Variants in DSC3 observed in about 807,000 individuals in gnomAD.
The protein encoded by DSC3 is desmocollin 3.
DSC3 carries 97 observed loss-of-function variants against 89.5 expected under a neutral mutation model. That is an observed-to-expected ratio of 1.08 (90% CI 0.92 to 1.28). The LOEUF is 1.28. Ranked by LOEUF, DSC3 falls within the 50% of genes most tolerant of loss-of-function variation. DSC3 has a pLI of 0.00. For missense variants in DSC3, 1,199 were observed against 1,085.3 expected, an observed-to-expected ratio of 1.10 and a Z score of -1.47; for synonymous variants, 436 against 384.1, an observed-to-expected ratio of 1.14 and a Z score of -1.58.
At chr18:31,042,519 C>A in intron 1 of DSC3, 73 bp downstream of exon 1, 1 of 1,454,130 alleles carries the variant, frequency 6.9e-7, no homozygotes, top group Non-Finnish European at 9.4e-7. Flanking sequence ...GCTTTGTCCC[C>A]AGCTCCGTGC....
rs549912533 is a variant in DSC3, at chr18:31,027,361, G to T, written c.475-1446C>A. 4.6e-5 allele frequency among the ~76,000 whole-genome samples: 7 copies of T among 151,914 alleles called. No individual in the cohort carries two copies. The East Asian group carries it at 1.4e-3, about 30-fold the overall frequency. ...CATTTTTGCTGCTTCTGTTATTTTT[G>T]CTGGCATCACAGTTTATGTTTCTTT... On this transcript the variant is annotated intron_variant, in intron 4 of 15. Coordinates refer to ENST00000360428, the MANE Select transcript of DSC3 (RefSeq NM_001941.5).
intron 1 of DSC3, among the ~76,000 whole-genome samples, chr18:31,034,774 T>A (rs1395305459): frequency 6.6e-6 from 1 of 152,142 alleles, no homozygotes; most frequent in East Asian, 1.9e-4. Flanking sequence ...ATGTCCACAA[T>A]AGGTAAATAT....
intron 1 of DSC3, among the ~76,000 whole-genome samples, chr18:31,038,502 T>C (rs1986037871): frequency 6.6e-6 from 1 of 152,200 alleles, no homozygotes. Context: ...CATGTTATTT[T>C]ACTTTTTAAC....
Position 30,996,771 on chromosome 18 carries a change from A to C in DSC3, c.2493+20T>G. On this transcript the variant is annotated intron_variant, in intron 15 of 15. Transcript: ENST00000360428. Reference sequence around the variant, plus strand: ...TTCGGAGGTTTAAATTTTAGACTCAAAACACCTAAGGAAACTCACTTCACC... The same window carrying C: ...TTCGGAGGTTTAAATTTTAGACTCACAACACCTAAGGAAACTCACTTCACC... 6.2e-7 allele frequency: 1 copy of C among 1,612,160 alleles called. No homozygotes were observed. Among genetic ancestry groups the C allele is most frequent in the Non-Finnish European group, 8.5e-7 (1 of 1,179,768 alleles).
chr18:31,027,146 T>C (rs1181384281), intron 4 of DSC3, among the ~76,000 whole-genome samples: 2 of 152,146 alleles, frequency 1.3e-5, no homozygotes, highest in Non-Finnish European at 2.9e-5. Context: ...AAATTGAAGC[T>C]CAATATCTGT....
In DSC3 at chr18:31,031,374, G is replaced by A. The variant is rs1985786644; in HGVS notation, c.155-202C>T. On this transcript the variant is annotated intron_variant, in intron 2 of 15. Coordinates refer to ENST00000360428, the MANE Select transcript of DSC3 (RefSeq NM_001941.5). ...TTCAGTTAACAAATAATTATTGAGTGTATATTTCTATTAAATAAGGTGTTT... is the reference window on the plus strand; with the variant it reads ...TTCAGTTAACAAATAATTATTGAGTATATATTTCTATTAAATAAGGTGTTT... Among the ~76,000 whole-genome samples the A allele has an allele frequency of 2.0e-5, 3 of 152,220 alleles. 1 individual carries two copies. The South Asian group carries it at 6.2e-4, about 32-fold the overall frequency.
intron 9 of DSC3, 98 bp downstream of exon 9, chr18:31,017,973 A>G (rs1985288870): frequency 9.7e-7 from 1 of 1,035,392 alleles, no homozygotes; most frequent in Admixed American, 2.2e-5. Context: ...TTTTCTTCCA[A>G]CTTGTAGAGT....
chr18:30,996,852 A>T lies in DSC3; in HGVS notation c.2432T>A (p.Val811Glu). The change falls in exon 15 of 16, where the codon GTG (valine) becomes GAG (glutamate). Residue 811 changes from valine to glutamate, a missense_variant. By Grantham distance (121) the Val-to-Glu change is moderately radical. Coordinates refer to ENST00000360428, the MANE Select transcript of DSC3 (RefSeq NM_001941.5). ...LDSCRGGHTEVDNCRYTYSEW... is the reference protein window; with the variant it reads ...LDSCRGGHTEEDNCRYTYSEW... ...CGAGTAAGTGTATCTGCAGTTGTCC[A>T]CCTCCGTGTGTCCTCCCCTGCAGGA... The T allele has an allele frequency of 1.2e-6, 2 of 1,613,170 alleles. No homozygotes were observed. Among genetic ancestry groups the T allele is most frequent in the Non-Finnish European group, 1.7e-6 (2 of 1,179,902 alleles).
chr18:30,994,667 T>A (rs926791833), intron 15 of DSC3, among the ~76,000 whole-genome samples: 1 of 152,128 alleles, frequency 6.6e-6, no homozygotes, highest in African/African-American at 2.4e-5. Context: ...TACACAGAGG[T>A]CAGTCTAGTC....
Position 31,022,508 on chromosome 18 carries a change from C to A in DSC3, c.776-6G>T, listed in dbSNP as rs1322793679. 2 of 1,613,780 alleles carry A rather than the reference C, an allele frequency of 1.2e-6. No individual in the cohort carries two copies. Among genetic ancestry groups the A allele is most frequent in the African/African-American group, 2.7e-5 (2 of 74,892 alleles). On this transcript the variant is annotated splice_polypyrimidine_tract_variant and splice_region_variant and intron_variant, in intron 6 of 15. Coordinates refer to ENST00000360428, the MANE Select transcript of DSC3 (RefSeq NM_001941.5). ...AACCACCCCCACTGTAGTACCTACA[C>A]ATTAAAAAATAAAACAGCCTTTAAT...
chr18:31,018,395 G>C, intron 8 of DSC3, 139 bp from the exon 9 acceptor site: 1 of 758,234 alleles, frequency 1.3e-6, no homozygotes, highest in African/African-American at 1.8e-5. Context: ...AAACACTATT[G>C]TTTCATTAAG....
chr18:31,040,076 A>C (rs276930), intron 1 of DSC3, among the ~76,000 whole-genome samples: 3 of 151,878 alleles, frequency 2.0e-5, no homozygotes, highest in Non-Finnish European at 4.4e-5. Flanking sequence ...ATTAACCCTA[A>C]CAAATATAAA....
At chr18:31,006,721 A>G (rs1008757892) in intron 12 of DSC3, among the ~76,000 whole-genome samples, 186 bp downstream of exon 12, 2 of 152,232 alleles carry the variant, frequency 1.3e-5, no homozygotes, top group Admixed American at 6.5e-5. Context: ...CATAAAAATT[A>G]CATCTTCCTT....
Position 30,996,858 on chromosome 18 carries a change from G to C in DSC3, c.2426C>G (p.Thr809Arg), listed in dbSNP as rs201697324. 2 of 1,613,442 alleles carry C rather than the reference G, an allele frequency of 1.2e-6. No individual in the cohort carries two copies. Among genetic ancestry groups the C allele is most frequent in the Non-Finnish European group, 1.7e-6 (2 of 1,179,970 alleles). ...AGTGTATCTGCAGTTGTCCACCTCC[G>C]TGTGTCCTCCCCTGCAGGAGTCCAG... ...HTLDSCRGGHTEVDNCRYTYS... is the reference protein window; with the variant it reads ...HTLDSCRGGHREVDNCRYTYS... Residue 809 changes from threonine to arginine, a missense_variant, in exon 15 of 16, where the codon ACG becomes AGG. Thr to Arg is a moderately conservative substitution (Grantham distance 71). Coordinates refer to ENST00000360428, the MANE Select transcript of DSC3 (RefSeq NM_001941.5).
In DSC3 at chr18:30,992,641, C is replaced by CTG. The variant is rs1188446551; in HGVS notation, c.*1532_*1533dup. 1 of 152,338 alleles carries CTG rather than the reference C, an allele frequency of 6.6e-6. No homozygotes were observed. Among genetic ancestry groups the CTG allele is most frequent in the Admixed American group, 6.5e-5 (1 of 15,286 alleles). 9.4% of individuals were successfully genotyped at this position (152,338 alleles called of 1,614,324 possible). A position where few individuals can be genotyped will look rare whatever the true frequency, so the allele number is the denominator to read the frequency against. ...CCTGCATCTTCCTGTTGCCCTCTGA[C>CTG]TGTACAAATAACCTACTTGGGCTGC... is the stretch of plus-strand genomic sequence containing the variant. On this transcript the variant is annotated 3_prime_UTR_variant, in exon 16 of 16. Coordinates refer to ENST00000360428, the MANE Select transcript of DSC3 (RefSeq NM_001941.5).
chr18:31,009,957 G>A (rs917629839), intron 9 of DSC3, among the ~76,000 whole-genome samples: 1 of 152,160 alleles, frequency 6.6e-6, no homozygotes, highest in African/African-American at 2.4e-5. Flanking sequence ...TTCAGTTTTA[G>A]ATAACAAATC....
At chr18:31,001,771 C>A in intron 13 of DSC3, 32 bp from the exon 14 acceptor site, 2 of 1,504,022 alleles carry the variant, frequency 1.3e-6, no homozygotes, top group South Asian at 1.2e-5. Flanking sequence ...AAATAACTTA[C>A]TTTAGCATAC....
rs1377590183 is a variant in DSC3 at position 30,991,804 on chromosome 18, T to C, written c.*2371A>G. The stretch of plus-strand genomic sequence containing the variant: ...TGTCTTTTGGTTGAGTATTTCAAGA[T>C]TGATCCAATTCGTATGATCAACTTT... On this transcript the variant is annotated 3_prime_UTR_variant, in exon 16 of 16. Transcript: ENST00000360428. 6.6e-6 allele frequency: 1 copy of C among 152,174 alleles called. No individual in the cohort carries two copies. The highest frequency in any genetic ancestry group is 1.5e-5 in the Non-Finnish European group (1 of 68,042). 9.4% of individuals were successfully genotyped at this position (152,174 alleles called of 1,614,324 possible). A position where few individuals can be genotyped will look rare whatever the true frequency, so the allele number is the denominator to read the frequency against.
chr18:31,009,652 T>C (rs1984990602), intron 9 of DSC3, among the ~76,000 whole-genome samples: 1 of 152,214 alleles, frequency 6.6e-6, no homozygotes, highest in African/African-American at 2.4e-5. Flanking sequence ...TGATTTTAAT[T>C]ATCATTGAAT....
Sources: allele counts gnomAD v4.1 joint callset (sites outside exome capture counted in the v4.1 genomes callset), GRCh38; gene constraint gnomAD v4.1.1; transcripts MANE v1.5; gene names NCBI Gene and HGNC (gene_info 2026-07-23, HGNC 2026-07-21).